Variants in RABGAP1L observed in about 807,000 individuals in gnomAD.
RABGAP1L encodes RAB GTPase activating protein 1 like.
Under a neutral mutation model 137.7 loss-of-function variants are expected in RABGAP1L, and 63 were observed. The observed-to-expected ratio is 0.46, with a 90% CI of 0.37 to 0.56. RABGAP1L has a LOEUF of 0.56. RABGAP1L is among the 20% of genes least tolerant of loss of function. The probability of loss-of-function intolerance (pLI) is 0.00; values close to 1 mark genes in which losing one functional copy is unlikely to be tolerated. For missense variants in RABGAP1L, 1,095 were observed against 1,244.0 expected, an observed-to-expected ratio of 0.88 and a Z score of 1.80; for synonymous variants, 431 against 433.7, an observed-to-expected ratio of 0.99 and a Z score of 0.08.
intron 10 of RABGAP1L, among the ~76,000 whole-genome samples, chr1:174,287,212 T>C (rs1012947119): frequency 6.6e-6 from 1 of 152,222 alleles, no homozygotes; most frequent in African/African-American, 2.4e-5. Context: ...GGTACCCTGA[T>C]GTTAGATGTA....
chr1:174,542,781 C>T (rs1214433254), intron 13 of RABGAP1L, among the ~76,000 whole-genome samples: 1 of 152,178 alleles, frequency 6.6e-6, no homozygotes, highest in Non-Finnish European at 1.5e-5. Context: ...CCCAGAGATT[C>T]TGGTATGTTG....
intron 19 of RABGAP1L, among the ~76,000 whole-genome samples, chr1:174,886,842 T>C (rs536731264): frequency 1.6e-3 from 237 of 151,094 alleles, no homozygotes; most frequent in African/African-American, 5.6e-3. Flanking sequence ...TGAGACAGGG[T>C]CTCATTCTGT....
At chr1:174,780,014 C>T (rs919807177) in intron 18 of RABGAP1L, among the ~76,000 whole-genome samples, 7 of 150,564 alleles carry the variant, frequency 4.6e-5, no homozygotes, top group Admixed American at 2.7e-4. Context: ...TGCAGTGAGC[C>T]GAGATAGTGC....
rs778641524 is a variant in RABGAP1L, at chr1:174,957,592, G to A, written c.2433+43G>A. On this transcript the variant is annotated intron_variant, in intron 20 of 25. Transcript: ENST00000681986. ...CACCTATCAAAGTACCTTCTTTTTT[G>A]TTTTAAATGAGACTGAGTCTTGCCG... is the stretch of plus-strand genomic sequence containing the variant. 7.5e-5 allele frequency: 113 copies of A among 1,512,640 alleles called. 1 individual carries two copies. Among genetic ancestry groups the A allele is most frequent in the Non-Finnish European group, 9.4e-5 (103 of 1,093,246 alleles). The allele number at this position is 1,512,640 out of a possible 1,614,324, so 93.7% of individuals were successfully genotyped here.
At chr1:174,820,080 CAAAAG>C (rs951485931) in intron 19 of RABGAP1L, among the ~76,000 whole-genome samples, 1 of 151,970 alleles carries the variant, frequency 6.6e-6, no homozygotes, top group African/African-American at 2.4e-5. Flanking sequence ...TGGAAAAACT[CAAAAG>C]AACAGCTAGT....
At chr1:174,357,080 A>G (rs1683706888) in intron 11 of RABGAP1L, among the ~76,000 whole-genome samples, 1 of 152,186 alleles carries the variant, frequency 6.6e-6, no homozygotes, top group Admixed American at 6.6e-5. Context: ...GAAAATGTTC[A>G]TGAAAGGGAG....
Position 174,637,471 on chromosome 1 carries a change from C to A in RABGAP1L, c.1807C>A (p.Leu603Ile). The A allele has an allele frequency of 6.2e-7, 1 of 1,605,158 alleles. No individual in the cohort carries two copies. The highest frequency in any genetic ancestry group is 8.5e-7 in the Non-Finnish European group (1 of 1,171,828). The stretch of plus-strand genomic sequence containing the variant: ...TACTGGAGGAGATGGTCAAGAATCG[C>A]TCTATAAGATCTGCAAGGTAGGACT... ...KDTGGDGQESLYKICKAYSVY... is the reference protein window; with the variant it reads ...KDTGGDGQESIYKICKAYSVY... The change falls in exon 14 of 26, where the codon CTC becomes ATC. Residue 603 changes from leucine to isoleucine, a missense_variant. Physicochemically the swap from Leu to Ile is conservative, Grantham distance 5 (BLOSUM62 2). Around this residue, in one of 4 missense-constraint regions of RABGAP1L, gnomAD observed 315 missense variants for 324.8 expected, o/e 0.97. Transcript: ENST00000681986.
At chr1:174,259,723 T>C (rs1252826314) in intron 7 of RABGAP1L, among the ~76,000 whole-genome samples, 1 of 152,196 alleles carries the variant, frequency 6.6e-6, no homozygotes. Context: ...CTTTATTTAA[T>C]AACTGGATAT....
intron 19 of RABGAP1L, among the ~76,000 whole-genome samples, chr1:174,868,804 C>CT (rs1231043261): frequency 6.6e-6 from 1 of 152,164 alleles, no homozygotes; most frequent in Non-Finnish European, 1.5e-5. Flanking sequence ...ACGCCCCACC[C>CT]AGGCCTCCCT....
intron 13 of RABGAP1L, among the ~76,000 whole-genome samples, chr1:174,586,938 C>T (rs1309456977): frequency 3.3e-5 from 5 of 152,104 alleles, no homozygotes; most frequent in African/African-American, 9.6e-5. Context: ...GTGATGTTCC[C>T]CTTCCTGTGT....
At chr1:174,432,007 G>T (rs908103805) in intron 13 of RABGAP1L, among the ~76,000 whole-genome samples, 4 of 152,080 alleles carry the variant, frequency 2.6e-5, no homozygotes, top group African/African-American at 4.8e-5. Context: ...ATGCAGGTTT[G>T]TCACATCAGA....
chr1:174,801,022 G>A (rs1214880325), intron 18 of RABGAP1L, among the ~76,000 whole-genome samples: 1 of 152,156 alleles, frequency 6.6e-6, no homozygotes, highest in East Asian at 1.9e-4. Context: ...TAGAATGATT[G>A]AACTGTTTAT....
At chr1:174,179,544 G>GCACACACA (rs56839600) in intron 1 of RABGAP1L, among the ~76,000 whole-genome samples, 29 of 147,260 alleles carry the variant, frequency 2.0e-4, no homozygotes, top group Middle Eastern at 3.4e-3. Context: ...CTTAGCACGT[G>GCACACACA]CACACACACA....
At chr1:174,984,163 A>G (rs916851042) in intron 24 of RABGAP1L, among the ~76,000 whole-genome samples, 1 of 151,276 alleles carries the variant, frequency 6.6e-6, no homozygotes, top group Admixed American at 6.6e-5. Flanking sequence ...CCCATCCTCT[A>G]AGTTCCCTCC....
chr1:174,728,193 CT>C (rs1682153712), intron 17 of RABGAP1L, among the ~76,000 whole-genome samples: 1 of 152,076 alleles, frequency 6.6e-6, no homozygotes, highest in Non-Finnish European at 1.5e-5. Context: ...AACTTGTTGC[CT>C]TGTTCTTTAC....
chr1:174,367,630 G>T (rs971206095), intron 11 of RABGAP1L: 3 of 267,510 alleles, frequency 1.1e-5, no homozygotes, highest in Non-Finnish European at 2.2e-5. Context: ...GTTTCAGAAG[G>T]CTTGCCTTTC....
chr1:174,742,478 C>G (rs1683526743), intron 17 of RABGAP1L, among the ~76,000 whole-genome samples: 2 of 152,166 alleles, frequency 1.3e-5, no homozygotes, highest in South Asian at 4.1e-4. Flanking sequence ...GATCGCGCCA[C>G]TGCACTCCAG....
intron 13 of RABGAP1L, among the ~76,000 whole-genome samples, chr1:174,561,489 A>G (rs1287316860): frequency 1.3e-5 from 2 of 151,782 alleles, no homozygotes; most frequent in African/African-American, 4.8e-5. Flanking sequence ...GCCTTTCTTC[A>G]CAGAATTGGA....
chr1:174,855,807 T>A (rs1400285313), intron 19 of RABGAP1L, among the ~76,000 whole-genome samples: 1 of 152,178 alleles, frequency 6.6e-6, no homozygotes, highest in Non-Finnish European at 1.5e-5. Context: ...TTATTTTTAT[T>A]ATGTATAGAA....
Sources: gnomAD v4.1 joint callset for allele counts (sites outside exome capture counted in the v4.1 genomes callset) on GRCh38, gnomAD v4.1.1 for gene constraint, gnomAD v4.1.1 regional missense constraint, MANE v1.5 for transcripts, NCBI Gene and HGNC (gene_info 2026-07-23, HGNC 2026-07-21) for gene names.